Variants in ZNF26 observed in about 807,000 individuals in gnomAD.
ZNF26 encodes zinc finger protein 26, also known as epididymis luminal protein 179.
In ZNF26, 32 loss-of-function variants were observed where a neutral mutation model predicts 54.9. That is an observed-to-expected ratio of 0.58 (90% CI 0.44 to 0.78). The LOEUF is 0.78. Ranked by LOEUF, ZNF26 falls within the 30% of genes least tolerant of loss-of-function variation. The probability of loss-of-function intolerance (pLI) is 0.00; values close to 1 mark genes in which losing one functional copy is unlikely to be tolerated. For synonymous variants in ZNF26, 221 were observed against 209.2 expected, an observed-to-expected ratio of 1.06 and a Z score of -0.49; for missense variants, 524 against 634.0, an observed-to-expected ratio of 0.83 and a Z score of 1.86.
intron 1 of ZNF26, among the ~76,000 whole-genome samples, chr12:133,003,257 C>CTT (rs796349481): frequency 0.098 from 13,252 of 135,258 alleles, 873 homozygotes; most frequent in South Asian, 0.2. Flanking sequence ...GTTCCCTTTT[C>CTT]TTTTTTTTTT....
intron 1 of ZNF26, 25 bp from the exon 2 acceptor site, chr12:133,007,017 T>C: frequency 1.2e-6 from 2 of 1,613,580 alleles, no homozygotes; most frequent in Non-Finnish European, 8.5e-7. Context: ...TTGCATCCAA[T>C]TGAACAGGGT....
chr12:132,994,077 C>G (rs1953022174), intron 1 of ZNF26, among the ~76,000 whole-genome samples: 1 of 152,162 alleles, frequency 6.6e-6, no homozygotes, highest in African/African-American at 2.4e-5. Context: ...CTCTGGGAAC[C>G]TGGTTGAGCT....
At position 133,019,235 on chromosome 12, in the gene ZNF26, CA is replaced by C. The variant is rs2137278563; in HGVS notation, c.*7758del. 6.6e-6 allele frequency: 1 copy of C among 152,034 alleles called. No homozygotes were observed. The highest frequency in any genetic ancestry group is 1.5e-5 in the Non-Finnish European group (1 of 67,974). 9.4% of individuals were successfully genotyped at this position (152,034 alleles called of 1,614,324 possible). A position where few individuals can be genotyped will look rare whatever the true frequency, so the allele number is the denominator to read the frequency against. ...AGCTTCCATACTGCCGAGGAAATAA[CA>C]AAATAAAGAGACAACCCACAGATTG... On this transcript the variant is annotated 3_prime_UTR_variant, in exon 4 of 4. Coordinates refer to ENST00000328654, the MANE Select transcript of ZNF26 (RefSeq NM_019591.4).
chr12:132,996,004 GGGGAAT>G (rs1953073937), intron 1 of ZNF26, among the ~76,000 whole-genome samples: 1 of 152,172 alleles, frequency 6.6e-6, no homozygotes, highest in Non-Finnish European at 1.5e-5. Context: ...TCATGCAGTA[GGGGAAT>G]GGCTGATCAC....
rs917141661 is a variant in ZNF26, at chr12:132,986,823, G to C, written c.-18G>C. The C allele has an allele frequency of 3.5e-5, 56 of 1,601,194 alleles. No individual in the cohort carries two copies. The African/African-American group carries it at 6.8e-4, about 20-fold the overall frequency. ...CGGGTCCTGCCCCCGCAGGCAGCGC[G>C]CGAACGTGGGCGTGGGGATGGCCAC... On this transcript the variant is annotated 5_prime_UTR_variant, in exon 1 of 4. Coordinates refer to ENST00000328654, the MANE Select transcript of ZNF26 (RefSeq NM_019591.4).
intron 1 of ZNF26, among the ~76,000 whole-genome samples, chr12:132,996,103 C>T (rs374695277): frequency 0.016 from 2,491 of 152,270 alleles, 75 homozygotes; most frequent in African/African-American, 0.056. Flanking sequence ...ATATTTATTG[C>T]AGGCTCCTCT....
rs1555286593 is a variant in ZNF26 at position 133,015,366 on chromosome 12, A to AAAG, written c.*3887_*3888insGAA. Reference sequence around the variant, plus strand: ...GAGACTCTGTCTCAAAAAAAAAAAAAAAAAGAAAAGAAAATGACAAACACA... The same window carrying AAAG: ...GAGACTCTGTCTCAAAAAAAAAAAAAAAGAAAAGAAAAGAAAATGACAAACACA... On this transcript the variant is annotated 3_prime_UTR_variant, in exon 4 of 4. Transcript: ENST00000328654. The AAAG allele has an allele frequency of 8.6e-5, 13 of 151,322 alleles. No homozygotes were observed. Among genetic ancestry groups the AAAG allele is most frequent in the Middle Eastern group, 3.1e-3 (1 of 318 alleles). The allele number at this position is 151,322 out of a possible 1,614,324, so 9.4% of individuals were successfully genotyped here. A position where few individuals can be genotyped will look rare whatever the true frequency, so the allele number is the denominator to read the frequency against.
rs1953636787 is a variant in ZNF26 at position 133,021,231 on chromosome 12, G to A, written c.*9750G>A. On this transcript the variant is annotated 3_prime_UTR_variant, in exon 4 of 4. Coordinates refer to ENST00000328654, the MANE Select transcript of ZNF26 (RefSeq NM_019591.4). The stretch of plus-strand genomic sequence containing the variant: ...CCTCCCGGGTTCAAGTGATTCTCCA[G>A]CCTCAGCCTCCTGGGTTCAAGTGAT... 6.7e-6 allele frequency: 1 copy of A among 149,920 alleles called. No homozygotes were observed. The highest frequency in any genetic ancestry group is 1.5e-5 in the Non-Finnish European group (1 of 67,854). The allele number at this position is 149,920 out of a possible 1,614,324, so 9.3% of individuals were successfully genotyped here. A position where few individuals can be genotyped will look rare whatever the true frequency, so the allele number is the denominator to read the frequency against.
In ZNF26 at chr12:133,020,366, G is replaced by A. The variant is rs1593679535; in HGVS notation, c.*8885G>A. On this transcript the variant is annotated 3_prime_UTR_variant, in exon 4 of 4. Coordinates refer to ENST00000328654, the MANE Select transcript of ZNF26 (RefSeq NM_019591.4). ...GTGGTTACCAGAAGCTGGGAAGAGG[G>A]GGAAGGATGAAGGGGAAAAATATGA... 6.6e-6 allele frequency: 1 copy of A among 152,032 alleles called. No homozygotes were observed. The highest frequency in any genetic ancestry group is 2.4e-5 in the African/African-American group (1 of 41,394). 9.4% of individuals were successfully genotyped at this position (152,032 alleles called of 1,614,324 possible).
chr12:133,006,814 T>G (rs1593662976), intron 1 of ZNF26: 2 of 495,578 alleles, frequency 4.0e-6, no homozygotes, highest in Non-Finnish European at 7.3e-6. Context: ...AGGCTGGTCT[T>G]GAACTCCTGC....
At chr12:132,994,836 A>G (rs1593640807) in intron 1 of ZNF26, among the ~76,000 whole-genome samples, 1 of 152,142 alleles carries the variant, frequency 6.6e-6, no homozygotes, top group Non-Finnish European at 1.5e-5. Flanking sequence ...GACATTTTGG[A>G]TGGAATAATT....
At chr12:133,005,972 A>T in intron 1 of ZNF26, 2 of 437,956 alleles carry the variant, frequency 4.6e-6, no homozygotes, top group Non-Finnish European at 6.1e-6. Context: ...ACCAGGCTCT[A>T]CCATGTGTTC....
intron 1 of ZNF26, chr12:133,006,048 T>C: frequency 1.0e-6 from 1 of 983,522 alleles, no homozygotes; most frequent in Non-Finnish European, 1.2e-6. Flanking sequence ...TTTCTTTCTT[T>C]CATAATAGAT....
At position 133,010,197 on chromosome 12, in the gene ZNF26, T is replaced by C. The variant is rs1420514543; in HGVS notation, c.318T>C (p.Tyr106=). 6.2e-7 allele frequency: 1 copy of C among 1,613,650 alleles called. No homozygotes were observed. Among genetic ancestry groups the C allele is most frequent in the African/African-American group, 1.3e-5 (1 of 75,026 alleles). Reference sequence around the variant, plus strand: ...AGCTTGAGAGTATTGAAAGAAGCTATGCTTGTAGTGTGTTGGGAAGACTTA... The same window carrying C: ...AGCTTGAGAGTATTGAAAGAAGCTACGCTTGTAGTGTGTTGGGAAGACTTA... ...QDELESIERS[Y]ACSVLGRLNL... Residue 106 remains tyrosine (Y), a synonymous_variant, in exon 4 of 4, where the codon TAT becomes TAC. Coordinates refer to ENST00000328654, the MANE Select transcript of ZNF26 (RefSeq NM_019591.4).
Position 133,010,991 on chromosome 12 carries a change from A to ACAC in ZNF26, c.1112_1113insCAC (p.Gln371delinsHisThr). On this transcript the variant is annotated protein_altering_variant, in exon 4 of 4. Coordinates refer to ENST00000328654, the MANE Select transcript of ZNF26 (RefSeq NM_019591.4). ...GTTCACACAGGAAATAATCCTTATC[A>ACAC]ATGCGGTGAATGTGGGAAAGCCTTT... The ACAC allele has an allele frequency of 6.2e-7, 1 of 1,613,956 alleles. No individual in the cohort carries two copies. Among genetic ancestry groups the ACAC allele is most frequent in the Non-Finnish European group, 8.5e-7 (1 of 1,179,984 alleles).
In ZNF26 at chr12:133,011,012, C is replaced by T; in HGVS notation, c.1133C>T (p.Ala378Val). 1 of 1,614,130 alleles carries T rather than the reference C, an allele frequency of 6.2e-7. No homozygotes were observed. The highest frequency in any genetic ancestry group is 8.5e-7 in the Non-Finnish European group (1 of 1,180,030). ...NPYQCGECGK[A>V]FGRKEQLTAH... is the part of the protein sequence containing the mutation. ...TATCAATGCGGTGAATGTGGGAAAG[C>T]CTTTGGTAGGAAGGAACAGCTCACT... is the stretch of plus-strand genomic sequence containing the variant. The change falls in exon 4 of 4, where the codon GCC becomes GTC. Residue 378 changes from alanine to valine, a missense_variant. Transcript: ENST00000328654.
At chr12:132,991,059 A>G (rs370541533) in intron 1 of ZNF26, among the ~76,000 whole-genome samples, 6 of 151,386 alleles carry the variant, frequency 4.0e-5, no homozygotes, top group African/African-American at 7.3e-5. Context: ...GGGTTTCACT[A>G]TGTTGGCCAG....
In ZNF26 at chr12:133,010,588, A is replaced by G; in HGVS notation, c.709A>G (p.Lys237Glu). The G allele has an allele frequency of 6.2e-7, 1 of 1,614,226 alleles. No homozygotes were observed. Among genetic ancestry groups the G allele is most frequent in the Non-Finnish European group, 8.5e-7 (1 of 1,180,040 alleles). Residue 237 changes from lysine to glutamate, a missense_variant, in exon 4 of 4, where the codon AAG (lysine) becomes GAG (glutamate). Transcript: ENST00000328654. ...ACCCTACTCATGTAGTGAGTGCGAG[A>G]AGGTCTTCTCTTTCAGGTCACAGCT... The part of the protein sequence containing the change: ...EKPYSCSECE[K>E]VFSFRSQLIV...
chr12:133,013,226 C>G lies in ZNF26; in HGVS notation c.*1745C>G, dbSNP rs1163053045. On this transcript the variant is annotated 3_prime_UTR_variant, in exon 4 of 4. Transcript: ENST00000328654. The stretch of plus-strand genomic sequence containing the variant: ...GACCATGAGAATGACAGGCCTGAAG[C>G]CCTGAAATCTCACCTCAGGGTGGAG... 2.0e-5 allele frequency: 3 copies of G among 152,170 alleles called. No homozygotes were observed. The highest frequency in any genetic ancestry group is 1.3e-4 in the Admixed American group (2 of 15,272). 9.4% of individuals were successfully genotyped at this position (152,170 alleles called of 1,614,324 possible).
Sources: gnomAD v4.1 joint callset for allele counts (sites outside exome capture counted in the v4.1 genomes callset) on GRCh38, gnomAD v4.1.1 for gene constraint, MANE v1.5 for transcripts, NCBI Gene and HGNC (gene_info 2026-07-23, HGNC 2026-07-21) for gene names.